Variants in POC1B observed in about 807,000 individuals in gnomAD.
POC1B encodes the protein POC1 centriolar protein homolog B.
Under a neutral mutation model 60.6 loss-of-function variants are expected in POC1B, and 44 were observed. The ratio of observed to expected loss-of-function variants is 0.73; its 90% confidence interval spans 0.57 to 0.93. The LOEUF is 0.93. Among genes scored for constraint, POC1B ranks in the 40% least tolerant of loss-of-function variants. The pLI is 0.00. For synonymous variants in POC1B, 180 were observed against 198.9 expected, an observed-to-expected ratio of 0.90 and a Z score of 0.80; for missense variants, 555 against 572.3, an observed-to-expected ratio of 0.97 and a Z score of 0.31.
intron 4 of POC1B, among the ~76,000 whole-genome samples, chr12:89,484,165 G>A (rs1868512630): frequency 6.6e-6 from 1 of 152,132 alleles, no homozygotes; most frequent in Admixed American, 6.6e-5. Flanking sequence ...TAAAATAGAT[G>A]AGTAGAATAC....
At chr12:89,446,284 G>T (rs1453183960) in intron 10 of POC1B, among the ~76,000 whole-genome samples, 2 of 152,174 alleles carry the variant, frequency 1.3e-5, no homozygotes, top group African/African-American at 4.8e-5. Context: ...AAATTGTGCT[G>T]CTATAAAGAC....
intron 11 of POC1B, among the ~76,000 whole-genome samples, chr12:89,423,240 CG>C (rs1823908509): frequency 6.6e-6 from 1 of 152,090 alleles, no homozygotes; most frequent in Non-Finnish European, 1.5e-5. Flanking sequence ...CCGAGCTGGG[CG>C]AATCGCTTGA....
chr12:89,465,361 A>G (rs187310872), intron 9 of POC1B, among the ~76,000 whole-genome samples: 1 of 152,300 alleles, frequency 6.6e-6, no homozygotes, highest in Admixed American at 6.5e-5. Flanking sequence ...TCACGAGGAA[A>G]GCAGTCTCGG....
the POC1B span, among the ~76,000 whole-genome samples, chr12:89,407,772 A>G: frequency 6.6e-6 from 1 of 152,184 alleles, no homozygotes; most frequent in Non-Finnish European, 1.5e-5. Context: ...AAAACACCAA[A>G]TGATTGCACT....
chr12:89,419,622 C>T (rs1231449192), downstream of POC1B: 1 of 152,090 alleles, frequency 6.6e-6, no homozygotes, highest in African/African-American at 2.4e-5. Context: ...GACAAGCTCT[C>T]CAGAAGATTC....
At chr12:89,518,045 A>G (rs1389920233) in intron 2 of POC1B, among the ~76,000 whole-genome samples, 1 of 151,430 alleles carries the variant, frequency 6.6e-6, no homozygotes, top group Non-Finnish European at 1.5e-5. Flanking sequence ...AAAAAGTAGT[A>G]CCCCAATAAT....
intron 2 of POC1B, chr12:89,522,216 GC>G (rs1870945000): frequency 2.5e-6 from 1 of 398,322 alleles, no homozygotes. Context: ...TGTTAAAAAG[GC>G]CTCCAAACTC....
chr12:89,413,842 T>C, the POC1B span, among the ~76,000 whole-genome samples: 5 of 152,146 alleles, frequency 3.3e-5, no homozygotes, highest in Non-Finnish European at 5.9e-5. Flanking sequence ...ATATTCCCAA[T>C]TTTGTGTTGC....
downstream of POC1B, among the ~76,000 whole-genome samples, chr12:89,419,175 G>A (rs1361104454): frequency 2.0e-5 from 3 of 152,004 alleles, no homozygotes; most frequent in African/African-American, 7.2e-5. Flanking sequence ...GTTAGAGGTA[G>A]AGGGCAGAAA....
intron 2 of POC1B, chr12:89,522,232 TCAAA>T: frequency 2.5e-6 from 1 of 398,452 alleles, no homozygotes. Flanking sequence ...AAACTCACAC[TCAAA>T]CAAATGCCCT....
the POC1B span, among the ~76,000 whole-genome samples, chr12:89,403,806 TG>T: frequency 1.3e-5 from 2 of 152,148 alleles, no homozygotes; most frequent in Non-Finnish European, 2.9e-5. Flanking sequence ...CTTCATTAGT[TG>T]TCTCTATCCT....
At chr12:89,445,050 G>A (rs1477227423) in intron 10 of POC1B, among the ~76,000 whole-genome samples, 1 of 152,092 alleles carries the variant, frequency 6.6e-6, no homozygotes, top group Non-Finnish European at 1.5e-5. Flanking sequence ...AACTTACAAG[G>A]GGTGTGAAGG....
rs754432879 is a variant in POC1B, at chr12:89,471,611, T to C, written c.676+3A>G. ...CTGAATTTTTTGTTAGGAAAATTGT[T>C]ACCTTGGTAATGCTGTAGTAATTTG... is the stretch of plus-strand genomic sequence containing the variant. On this transcript the variant is annotated splice_donor_region_variant and intron_variant, in intron 6 of 11. Transcript: ENST00000313546. 6.3e-7 allele frequency: 1 copy of C among 1,597,764 alleles called. No homozygotes were observed. The highest frequency in any genetic ancestry group is 1.1e-5 in the South Asian group (1 of 89,586).
At chr12:89,518,744 G>A (rs962868818) in intron 2 of POC1B, among the ~76,000 whole-genome samples, 3 of 151,864 alleles carry the variant, frequency 2.0e-5, no homozygotes, top group South Asian at 2.1e-4. Context: ...TTTTATACTC[G>A]TGAAACTGAA....
intron 2 of POC1B, among the ~76,000 whole-genome samples, chr12:89,503,113 CT>C (rs1592633152): frequency 6.6e-6 from 1 of 152,170 alleles, no homozygotes; most frequent in African/African-American, 2.4e-5. Flanking sequence ...CTATCCCTCT[CT>C]CCCCACGGTC....
chr12:89,470,136 T>C (rs944482951), intron 7 of POC1B, among the ~76,000 whole-genome samples: 1 of 152,102 alleles, frequency 6.6e-6, no homozygotes, highest in Admixed American at 6.5e-5. Flanking sequence ...CCTCCCAAAG[T>C]GTTGGGATTA....
At position 89,466,919 on chromosome 12, in the gene POC1B, A is replaced by C; in HGVS notation, c.883T>G (p.Leu295Val). ...TCATCAAAGTTAGTCCTCCATAATA[A>C]GACCTATGAAAAAAGTCAATGATGT... ...FASGGADTQV[L>V]LWRTNFDELH... The change falls in exon 9 of 12, where the codon TTA (leucine) becomes GTA (valine). Residue 295 changes from leucine to valine, a missense_variant. By Grantham distance (32) the Leu-to-Val change is conservative. Transcript: ENST00000313546. The C allele has an allele frequency of 1.2e-6, 2 of 1,607,832 alleles. No homozygotes were observed. The highest frequency in any genetic ancestry group is 1.7e-5 in the Admixed American group (1 of 59,346).
chr12:89,444,300 G>A (rs4842656), intron 10 of POC1B, among the ~76,000 whole-genome samples: 114,462 of 151,762 alleles, frequency 0.75, 43,220 homozygotes, highest in Middle Eastern at 0.82. Context: ...GAGACACAAC[G>A]AAAAAAGAAT....
chr12:89,425,998 G>A (rs188273306), intron 10 of POC1B: 1 of 152,302 alleles, frequency 6.6e-6, no homozygotes, highest in African/African-American at 2.4e-5. Flanking sequence ...TAGAAACAAC[G>A]ATAGATGAAC....
Sources: allele counts gnomAD v4.1 joint callset (sites outside exome capture counted in the v4.1 genomes callset), GRCh38; gene constraint gnomAD v4.1.1; transcripts MANE v1.5; gene names NCBI Gene and HGNC (gene_info 2026-07-23, HGNC 2026-07-21).